The following CAP2 variants were observed in gnomAD, a reference collection of about 807,000 sequenced individuals.
The protein encoded by CAP2 is adenylyl cyclase-associated protein 2.
Under a neutral mutation model 57.7 loss-of-function variants are expected in CAP2, and 24 were observed. The observed-to-expected ratio is 0.42, with a 90% CI of 0.30 to 0.58. The LOEUF (loss-of-function observed/expected upper bound fraction) is 0.58, where lower values mean the gene tolerates loss of function less well. Among genes scored for constraint, CAP2 ranks in the 20% least tolerant of loss-of-function variants. The pLI, the probability that CAP2 is intolerant of heterozygous loss-of-function variation, is 0.22. For missense variants in CAP2, 501 were observed against 590.3 expected (o/e 0.85, Z 1.57); for synonymous variants, 194 against 207.2 (o/e 0.94, Z 0.55).
chr6:17,538,050 G>GA (rs961785846), intron 7 of CAP2, among the ~76,000 whole-genome samples: 3 of 151,490 alleles, frequency 2.0e-5, no homozygotes, highest in African/African-American at 7.3e-5. Flanking sequence ...CTGGGCAACA[G>GA]AACAAGACTC....
chr6:17,422,659 G>A (rs1759480266), intron 2 of CAP2, among the ~76,000 whole-genome samples: 1 of 151,872 alleles, frequency 6.6e-6, no homozygotes, highest in Non-Finnish European at 1.5e-5. Flanking sequence ...AACCAAATAT[G>A]CTTTTAAAAC....
At chr6:17,544,540 C>T (rs1290977664) in intron 11 of CAP2, among the ~76,000 whole-genome samples, 1 of 143,324 alleles carries the variant, frequency 7.0e-6, no homozygotes, top group East Asian at 2.3e-4. Flanking sequence ...ATTATAACTT[C>T]TATCTTTTTT....
rs138136012 is a variant in CAP2, at chr6:17,446,442, G to A, written c.223-16554G>A. 2.6e-5 allele frequency among the ~76,000 whole-genome samples: 4 copies of A among 152,184 alleles called. No homozygotes were observed. The East Asian group carries it at 7.7e-4, about 29-fold the overall frequency. On this transcript the variant is annotated intron_variant, in intron 3 of 12. Transcript: ENST00000229922. The stretch of plus-strand genomic sequence containing the variant: ...GCTTTGGTGCTTAGCAACCATTATT[G>A]GGGTTACCTTGGAATTCACGAGTGG...
At chr6:17,517,991 G>A (rs1762308333) in intron 7 of CAP2, among the ~76,000 whole-genome samples, 1 of 152,048 alleles carries the variant, frequency 6.6e-6, no homozygotes, top group Non-Finnish European at 1.5e-5. Context: ...AGGCATCATG[G>A]ATTGCCATGA....
chr6:17,452,719 A>G (rs545738321), intron 3 of CAP2, among the ~76,000 whole-genome samples: 1 of 152,338 alleles, frequency 6.6e-6, no homozygotes, highest in South Asian at 2.1e-4. Flanking sequence ...AAGCAATCCA[A>G]GTAAAACAGC....
chr6:17,487,455 T>G (rs946136632), intron 4 of CAP2, among the ~76,000 whole-genome samples: 8 of 113,400 alleles, frequency 7.1e-5, no homozygotes, highest in Non-Finnish European at 1.2e-4. Flanking sequence ...CCAGGTGGGT[T>G]TGTTTGTTTG....
chr6:17,520,575 A>G (rs6459554), intron 7 of CAP2, among the ~76,000 whole-genome samples: 19,024 of 152,062 alleles, frequency 0.13, 1,425 homozygotes, highest in East Asian at 0.23. Flanking sequence ...ATGCTTTAGG[A>G]TCACTTCTTT....
At chr6:17,533,456 T>A (rs185313336) in intron 7 of CAP2, among the ~76,000 whole-genome samples, 1 of 152,174 alleles carries the variant, frequency 6.6e-6, no homozygotes, top group Non-Finnish European at 1.5e-5. Flanking sequence ...TCAAAATTAA[T>A]CTTAATAGAC....
At chr6:17,541,320 T>C (rs1762894827) in intron 9 of CAP2, among the ~76,000 whole-genome samples, 172 bp downstream of exon 9, 1 of 152,132 alleles carries the variant, frequency 6.6e-6, no homozygotes, top group Non-Finnish European at 1.5e-5. Context: ...GCGTAGAATG[T>C]GTAATGATCG....
In CAP2 at chr6:17,539,371, T is replaced by C; in HGVS notation, c.739T>C (p.Phe247Leu). 4 of 1,614,182 alleles carry C rather than the reference T, an allele frequency of 2.5e-6. No homozygotes were observed. The highest frequency in any genetic ancestry group is 3.4e-6 in the Non-Finnish European group (4 of 1,180,038). Residue 247 changes from phenylalanine to leucine, a missense_variant, in exon 8 of 13, where the codon TTC (phenylalanine) becomes CTC (leucine). Transcript: ENST00000229922. ...GCCTCCTCCAGGGCCACCTCCACTT[T>C]TCGAGAATGAAGGCAAAAAAGAGGA... is the stretch of plus-strand genomic sequence containing the variant. ...PLPPPGPPPL[F>L]ENEGKKEESS...
chr6:17,461,217 C>T (rs1760712122), intron 3 of CAP2, among the ~76,000 whole-genome samples: 2 of 104,788 alleles, frequency 1.9e-5, no homozygotes, highest in African/African-American at 6.8e-5. Flanking sequence ...ATCTTTGAAA[C>T]CTTTTTTTTT....
intron 3 of CAP2, among the ~76,000 whole-genome samples, chr6:17,446,686 A>G (rs1760267580): frequency 6.6e-6 from 1 of 152,256 alleles, no homozygotes; most frequent in South Asian, 2.1e-4. Context: ...ACTTTTTACA[A>G]CAAGCATGTG....
chr6:17,473,116 C>T (rs1043119091), intron 4 of CAP2, among the ~76,000 whole-genome samples: 1 of 151,776 alleles, frequency 6.6e-6, no homozygotes, highest in African/African-American at 2.4e-5. Context: ...TGAATGGCTG[C>T]CCAAAGGAAG....
chr6:17,492,161 A>G (rs1761558773), intron 4 of CAP2, among the ~76,000 whole-genome samples: 1 of 152,256 alleles, frequency 6.6e-6, no homozygotes, highest in African/African-American at 2.4e-5. Context: ...TTAGAAACGC[A>G]GAGAAATCTT....
intron 4 of CAP2, 118 bp downstream of exon 4, chr6:17,463,191 C>A: frequency 1.5e-6 from 1 of 682,858 alleles, no homozygotes; most frequent in South Asian, 1.7e-5. Flanking sequence ...ACTTACAGCA[C>A]GTGTATGTTC....
At chr6:17,548,578 G>A (rs1435892231) in intron 11 of CAP2, among the ~76,000 whole-genome samples, 1 of 152,136 alleles carries the variant, frequency 6.6e-6, no homozygotes, top group Non-Finnish European at 1.5e-5. Context: ...TATTTAATGT[G>A]AGTTTAATGA....
At position 17,513,977 on chromosome 6, in the gene CAP2, C is replaced by A. The variant is rs377507916; in HGVS notation, c.636+23C>A. 5.8e-5 allele frequency: 83 copies of A among 1,433,822 alleles called. No individual in the cohort carries two copies. Among genetic ancestry groups the A allele is most frequent in the Admixed American group, 4.2e-4 (25 of 59,598 alleles). 88.8% of individuals were successfully genotyped at this position (1,433,822 alleles called of 1,614,324 possible). A position where few individuals can be genotyped will look rare whatever the true frequency, so the allele number is the denominator to read the frequency against. On this transcript the variant is annotated intron_variant, in intron 7 of 12. Transcript: ENST00000229922. This position sits in a 1 kb window ranked among gnomAD's most constrained non-coding sequence, Gnocchi z 4.3. The stretch of plus-strand genomic sequence containing the variant: ...ACAGTGAGTACGAGGCCTTCCTCCA[C>A]GTGTGTAAAAAAAGGCCATGACTAT...
At chr6:17,396,750 G>A (rs1758674741) in intron 1 of CAP2, among the ~76,000 whole-genome samples, 1 of 152,132 alleles carries the variant, frequency 6.6e-6, no homozygotes, top group South Asian at 2.1e-4. Flanking sequence ...ATAGTCGCAC[G>A]TATCTGTGAA....
At chr6:17,399,921 C>T (rs1402107492) in intron 1 of CAP2, among the ~76,000 whole-genome samples, 6 of 152,080 alleles carry the variant, frequency 3.9e-5, no homozygotes, top group Admixed American at 1.3e-4. Flanking sequence ...GCTGGAGACA[C>T]CAAAGACAGA....
Sources: gnomAD v4.1 joint callset for allele counts (sites outside exome capture counted in the v4.1 genomes callset) on GRCh38, gnomAD v4.1.1 for gene constraint, Gnocchi (gnomAD v3.1) non-coding constraint, MANE v1.5 for transcripts, NCBI Gene and HGNC (gene_info 2026-07-23, HGNC 2026-07-21) for gene names.